SMYD3: variants seen among roughly 807,000 people sequenced by gnomAD.
The protein encoded by SMYD3 is histone-lysine N-methyltransferase SMYD3.
SMYD3 carries 36 observed loss-of-function variants against 57.7 expected under a neutral mutation model. The ratio of observed to expected loss-of-function variants is 0.62; its 90% CI spans 0.48 to 0.82. SMYD3 has a LOEUF of 0.82. Ranked by LOEUF, SMYD3 falls within the 40% of genes least tolerant of loss-of-function variation. The probability of loss-of-function intolerance (pLI) is 0.00; values close to 1 mark genes in which losing one functional copy is unlikely to be tolerated. For synonymous variants in SMYD3, 211 were observed against 195.0 expected (o/e 1.08, Z -0.68); for missense variants, 515 against 538.8 (o/e 0.96, Z 0.44).
intron 1 of SMYD3, among the ~76,000 whole-genome samples, chr1:246,451,302 C>A (rs562957423): frequency 6.6e-6 from 1 of 152,172 alleles, no homozygotes; most frequent in Non-Finnish European, 1.5e-5. Flanking sequence ...TATTATTCTG[C>A]ACTAAAAATA....
At chr1:246,058,882 C>CT (rs545692737) in intron 5 of SMYD3, among the ~76,000 whole-genome samples, 24,088 of 142,898 alleles carry the variant, frequency 0.17, 2,453 homozygotes, top group East Asian at 0.39. Flanking sequence ...ATCCACATTT[C>CT]TTTTTTTTTT....
chr1:245,931,074 G>C (rs1422687621), intron 5 of SMYD3, among the ~76,000 whole-genome samples: 8 of 152,208 alleles, frequency 5.3e-5, no homozygotes, highest in Admixed American at 5.2e-4. Context: ...GGCAAAACAC[G>C]AGCTCAAAGA....
At chr1:246,190,324 C>T (rs939922334) in intron 5 of SMYD3, among the ~76,000 whole-genome samples, 1 of 152,178 alleles carries the variant, frequency 6.6e-6, no homozygotes, top group Non-Finnish European at 1.5e-5. Flanking sequence ...CGGTGGCTCA[C>T]GCCTGTAATC....
intron 1 of SMYD3, among the ~76,000 whole-genome samples, chr1:246,499,436 T>A (rs2068423415): frequency 6.6e-6 from 1 of 150,914 alleles, no homozygotes; most frequent in South Asian, 2.1e-4. Flanking sequence ...ATATATATAT[T>A]TTTGTTATTG....
At chr1:246,500,187 A>T (rs1389378706) in intron 1 of SMYD3, among the ~76,000 whole-genome samples, 3 of 152,208 alleles carry the variant, frequency 2.0e-5, no homozygotes, top group Admixed American at 2.0e-4. Flanking sequence ...AGCATCTTAG[A>T]TTGACCGAAC....
chr1:246,234,919 G>A (rs2148460299), intron 5 of SMYD3, among the ~76,000 whole-genome samples: 1 of 152,274 alleles, frequency 6.6e-6, no homozygotes, highest in Admixed American at 6.5e-5. Flanking sequence ...GGAAAATCAG[G>A]TCATTACCCA....
intron 8 of SMYD3, among the ~76,000 whole-genome samples, chr1:245,885,065 C>T (rs2362261): frequency 1 from 151,494 of 151,880 alleles, 75,556 homozygotes; most frequent in Middle Eastern, 1. Context: ...GTCAGCGAGA[C>T]CACACACCCA....
At chr1:246,131,270 C>T (rs922528434) in intron 5 of SMYD3, among the ~76,000 whole-genome samples, 4 of 152,096 alleles carry the variant, frequency 2.6e-5, no homozygotes, top group Non-Finnish European at 5.9e-5. Context: ...AAGGTCTTGT[C>T]GTGTTTAATT....
chr1:246,101,439 C>T (rs1174679096), intron 5 of SMYD3, among the ~76,000 whole-genome samples: 1 of 152,128 alleles, frequency 6.6e-6, no homozygotes, highest in Admixed American at 6.5e-5. Flanking sequence ...TCAATCTCTG[C>T]CAATCCCCAT....
intron 5 of SMYD3, among the ~76,000 whole-genome samples, chr1:246,135,313 A>T (rs568319033): frequency 6.6e-6 from 1 of 152,188 alleles, no homozygotes; most frequent in Non-Finnish European, 1.5e-5. Context: ...GCAATTCAAA[A>T]AGTTTTTTAT....
At chr1:246,305,168 A>G (rs1252727449) in intron 5 of SMYD3, among the ~76,000 whole-genome samples, 4 of 152,226 alleles carry the variant, frequency 2.6e-5, no homozygotes, top group Non-Finnish European at 5.9e-5. Context: ...GCTGAATCCG[A>G]AAGGGTTCGG....
At chr1:246,051,992 C>T (rs1333335127) in intron 5 of SMYD3, among the ~76,000 whole-genome samples, 1 of 152,218 alleles carries the variant, frequency 6.6e-6, no homozygotes, top group Non-Finnish European at 1.5e-5. Context: ...ATAAATCTAA[C>T]TCATCATCTT....
At chr1:246,138,465 G>A (rs35327246) in intron 5 of SMYD3, among the ~76,000 whole-genome samples, 52,364 of 119,528 alleles carry the variant, frequency 0.44, 15,912 homozygotes, top group Non-Finnish European at 0.67. Context: ...TCGCTCTGTC[G>A]CCCAGGCTGG....
chr1:246,228,819 C>CT (rs143117763), intron 5 of SMYD3, among the ~76,000 whole-genome samples: 31,487 of 151,720 alleles, frequency 0.21, 3,976 homozygotes, highest in East Asian at 0.58. Flanking sequence ...AAGAAGCCTT[C>CT]TTTTTTTTAG....
intron 5 of SMYD3, among the ~76,000 whole-genome samples, chr1:246,249,555 G>A (rs2063768500): frequency 6.8e-6 from 1 of 147,874 alleles, no homozygotes. Flanking sequence ...TTTCCTAAAT[G>A]TACTGGGATA....
chr1:246,491,416 G>A (rs113313585), intron 1 of SMYD3, among the ~76,000 whole-genome samples: 2 of 151,944 alleles, frequency 1.3e-5, no homozygotes, highest in African/African-American at 2.4e-5. Context: ...AGCGGACACC[G>A]GTAATTCCAG....
chr1:246,141,577 A>G (rs1572097141), intron 5 of SMYD3, among the ~76,000 whole-genome samples: 1 of 152,300 alleles, frequency 6.6e-6, no homozygotes, highest in East Asian at 1.9e-4. Context: ...ATGTCTATTA[A>G]ACATGTACAG....
intron 4 of SMYD3, among the ~76,000 whole-genome samples, chr1:246,329,989 A>T (rs1572388225): frequency 2.6e-5 from 4 of 152,310 alleles, no homozygotes; most frequent in Admixed American, 2.6e-4. Flanking sequence ...TCATCACAAG[A>T]AGGTGGCTAC....
intron 1 of SMYD3, among the ~76,000 whole-genome samples, chr1:246,372,422 A>G (rs1558430048): frequency 6.6e-6 from 1 of 152,196 alleles, no homozygotes; most frequent in Non-Finnish European, 1.5e-5. Flanking sequence ...ATACCTTGAG[A>G]TGAAGTATAG....
Sources: allele counts gnomAD v4.1 joint callset (sites outside exome capture counted in the v4.1 genomes callset), GRCh38; gene constraint gnomAD v4.1.1; transcripts MANE v1.5; gene names NCBI Gene and HGNC (gene_info 2026-07-23, HGNC 2026-07-21).